The following PDE6A variants were observed in gnomAD, a reference collection of about 807,000 sequenced individuals.
PDE6A encodes rod cGMP-specific 3',5'-cyclic phosphodiesterase subunit alpha.
A neutral mutation model predicts 106.3 loss-of-function variants in PDE6A; 84 were observed. The observed-to-expected ratio is 0.79, with a 90% CI of 0.66 to 0.95. PDE6A has a LOEUF of 0.95. PDE6A is among the 40% of genes least tolerant of loss of function. The pLI, the probability that PDE6A is intolerant of heterozygous loss-of-function variation, is 0.00. For synonymous variants in PDE6A, 394 were observed against 386.6 expected, an observed-to-expected ratio of 1.02 and a Z score of -0.23; for missense variants, 1,052 against 1,084.9, an observed-to-expected ratio of 0.97 and a Z score of 0.43.
chr5:149,894,695 G>A (rs967553014), intron 13 of PDE6A, among the ~76,000 whole-genome samples: 6 of 145,856 alleles, frequency 4.1e-5, no homozygotes, highest in Admixed American at 2.1e-4. Flanking sequence ...GCAGTGGCGC[G>A]ATCTTGGCTC....
chr5:149,929,606 C>CAAAAAATAAATAAATA (rs1554092081), intron 4 of PDE6A, among the ~76,000 whole-genome samples: 12 of 71,444 alleles, frequency 1.7e-4, no homozygotes, highest in African/African-American at 4.7e-4. Context: ...GACTCCGTCT[C>CAAAAAATAAATAAATA]AAAAAATAAA....
intron 1 of PDE6A, among the ~76,000 whole-genome samples, chr5:149,938,865 A>T (rs955689371): frequency 6.6e-6 from 1 of 152,138 alleles, no homozygotes; most frequent in Admixed American, 6.5e-5. Context: ...TTACAGCCCA[A>T]AAGAACTACC....
intron 13 of PDE6A, among the ~76,000 whole-genome samples, chr5:149,888,345 C>G (rs1359246869): frequency 6.6e-6 from 1 of 151,842 alleles, no homozygotes; most frequent in Non-Finnish European, 1.5e-5. Context: ...AGACAGTTCA[C>G]AATTTTTGCT....
chr5:149,932,896 G>C (rs1223044519), intron 3 of PDE6A, among the ~76,000 whole-genome samples: 1 of 152,280 alleles, frequency 6.6e-6, no homozygotes, highest in South Asian at 2.1e-4. Context: ...CGCTCTCAGA[G>C]GCAGTTGGCC....
chr5:149,884,256 A>G (rs1761042146), intron 16 of PDE6A, among the ~76,000 whole-genome samples: 2 of 141,900 alleles, frequency 1.4e-5, no homozygotes, highest in African/African-American at 5.1e-5. Context: ...GTGTATATAT[A>G]TGTGTATATA....
intron 17 of PDE6A, among the ~76,000 whole-genome samples, chr5:149,874,639 C>T (rs1198345540): frequency 6.6e-6 from 1 of 152,138 alleles, no homozygotes; most frequent in Non-Finnish European, 1.5e-5. Flanking sequence ...TCTTCCCTCC[C>T]CGGAGGCTGG....
At position 149,914,268 on chromosome 5, in the gene PDE6A, T is replaced by C. The variant is rs145802568; in HGVS notation, c.998+675A>G. 1.1e-4 allele frequency among the ~76,000 whole-genome samples: 17 copies of C among 152,234 alleles called. No homozygotes were observed. In the East Asian group the frequency reaches 3.1e-3, roughly 28 times the overall value. On this transcript the variant is annotated intron_variant, in intron 6 of 21. Transcript: ENST00000255266. ...GGCCTCACTGCTCACCCTCTGAGTC[T>C]CTCTACCGTCTCACACTGCCTCCTT...
chr5:149,869,653 A>AG (rs1760464503), intron 17 of PDE6A, among the ~76,000 whole-genome samples: 1 of 152,192 alleles, frequency 6.6e-6, no homozygotes, highest in Admixed American at 6.5e-5. Flanking sequence ...TTGAAGGTTA[A>AG]AGGCCCAATT....
intron 19 of PDE6A, chr5:149,867,413 G>T: frequency 2.1e-6 from 1 of 477,966 alleles, no homozygotes; most frequent in Non-Finnish European, 3.8e-6. Context: ...CCAACCTCTA[G>T]GGTTGAGTGA....
At chr5:149,918,792 T>C (rs762503742) in intron 5 of PDE6A, among the ~76,000 whole-genome samples, 25 of 146,656 alleles carry the variant, frequency 1.7e-4, no homozygotes, top group Non-Finnish European at 3.5e-4. Context: ...TCTTTTTTTC[T>C]TTTTTTTTTA....
intron 7 of PDE6A, 64 bp from the exon 8 acceptor site, chr5:149,903,759 C>G (rs145056165): frequency 8.6e-7 from 1 of 1,165,452 alleles, no homozygotes; most frequent in East Asian, 2.3e-5. Context: ...CAGTGAAGCA[C>G]TGTATACCAT....
intron 4 of PDE6A, among the ~76,000 whole-genome samples, chr5:149,923,963 T>G (rs1013647128): frequency 1.3e-5 from 2 of 152,190 alleles, no homozygotes; most frequent in African/African-American, 2.4e-5. Context: ...GGAAGCCACA[T>G]GAAATGCAGA....
chr5:149,932,817 T>G lies in PDE6A; in HGVS notation c.717+1113A>C. The G allele has an allele frequency of 5.4e-6, 4 of 736,086 alleles. No homozygotes were observed. The South Asian group carries it at 7.4e-5, about 14-fold the overall frequency. 45.6% of individuals were successfully genotyped at this position (736,086 alleles called of 1,614,324 possible). Reference sequence around the variant, plus strand: ...TGTGCTGGATTGAGAGACACTTTTGTCCCCCTCCGCCCACAGGAGGGTCCC... The same window carrying G: ...TGTGCTGGATTGAGAGACACTTTTGGCCCCCTCCGCCCACAGGAGGGTCCC... On this transcript the variant is annotated intron_variant, in intron 3 of 21. Coordinates refer to ENST00000255266, the MANE Select transcript of PDE6A (RefSeq NM_000440.3).
intron 7 of PDE6A, among the ~76,000 whole-genome samples, chr5:149,906,184 G>C (rs1394449640): frequency 4.0e-5 from 6 of 151,846 alleles, no homozygotes; most frequent in Non-Finnish European, 7.4e-5. Flanking sequence ...AATGAAAATT[G>C]ACTATGTGAA....
intron 17 of PDE6A, among the ~76,000 whole-genome samples, chr5:149,876,926 G>GATAGATAGATAGATAGATAGATAC (rs961450003): frequency 5.9e-5 from 9 of 151,966 alleles, no homozygotes; most frequent in African/African-American, 1.9e-4. Flanking sequence ...TAGATAGATA[G>GATAGATAGATAGATAGATAGATAC]ATAGATACAT....
intron 13 of PDE6A, among the ~76,000 whole-genome samples, chr5:149,888,307 C>T (rs1209133498): frequency 4.0e-5 from 6 of 151,894 alleles, no homozygotes; most frequent in East Asian, 1.9e-4. Flanking sequence ...TATTCACAGA[C>T]GATTGATCTA....
chr5:149,911,239 A>G (rs1397498435), intron 6 of PDE6A, among the ~76,000 whole-genome samples: 2 of 152,092 alleles, frequency 1.3e-5, no homozygotes, highest in Non-Finnish European at 2.9e-5. Flanking sequence ...CCTTACACAC[A>G]CACAAAGGTA....
intron 9 of PDE6A, among the ~76,000 whole-genome samples, chr5:149,898,929 T>C (rs1433683958): frequency 6.6e-6 from 1 of 152,226 alleles, no homozygotes; most frequent in African/African-American, 2.4e-5. Flanking sequence ...AATGGCACAA[T>C]CATGGCTCAC....
intron 1 of PDE6A, among the ~76,000 whole-genome samples, chr5:149,937,253 A>C (rs1754209248): frequency 6.6e-6 from 1 of 152,266 alleles, no homozygotes; most frequent in Non-Finnish European, 1.5e-5. Context: ...AAAGAAAATC[A>C]GTGTAGCTAA....
Sources: gnomAD v4.1 joint callset for allele counts (sites outside exome capture counted in the v4.1 genomes callset) on GRCh38, gnomAD v4.1.1 for gene constraint, MANE v1.5 for transcripts, NCBI Gene and HGNC (gene_info 2026-07-23, HGNC 2026-07-21) for gene names.